The following MACROD2 variants were observed in gnomAD, a reference collection of about 807,000 sequenced individuals.
MACROD2 encodes mono-ADP ribosylhydrolase 2, also known as ADP-ribose glycohydrolase MACROD2.
Under a neutral mutation model 70.4 loss-of-function variants are expected in MACROD2, and 36 were observed. The observed-to-expected ratio is 0.51, with a 90% confidence interval of 0.39 to 0.68. MACROD2 has a LOEUF of 0.68. Among genes scored for constraint, MACROD2 ranks in the 30% least tolerant of loss-of-function variants. MACROD2 has a pLI of 0.00. For synonymous variants in MACROD2, 172 were observed against 178.8 expected, an observed-to-expected ratio of 0.96 and a Z score of 0.30; for missense variants, 496 against 538.4, an observed-to-expected ratio of 0.92 and a Z score of 0.78.
At chr20:14,995,305 A>G (rs1600924069) in intron 5 of MACROD2, among the ~76,000 whole-genome samples, 2 of 152,274 alleles carry the variant, frequency 1.3e-5, no homozygotes, top group East Asian at 3.9e-4. Flanking sequence ...AAGAAGAAAT[A>G]CAGTTTCCTC....
At chr20:15,341,820 G>A (rs2078112961) in intron 6 of MACROD2, among the ~76,000 whole-genome samples, 1 of 152,166 alleles carries the variant, frequency 6.6e-6, no homozygotes, top group Non-Finnish European at 1.5e-5. Flanking sequence ...GGAAGCCAAG[G>A]AGAGAGAATG....
At chr20:16,013,474 G>A (rs2066890787) in intron 15 of MACROD2, among the ~76,000 whole-genome samples, 1 of 152,158 alleles carries the variant, frequency 6.6e-6, no homozygotes, top group Non-Finnish European at 1.5e-5. Flanking sequence ...ATAGATTTGA[G>A]ATTCTATACC....
intron 12 of MACROD2, among the ~76,000 whole-genome samples, chr20:15,961,389 A>C (rs1216162376): frequency 6.6e-6 from 1 of 152,126 alleles, no homozygotes; most frequent in Non-Finnish European, 1.5e-5. Flanking sequence ...TGGAAAAAAA[A>C]CCCAAGTTCT....
chr20:15,450,156 C>G (rs976283393), intron 7 of MACROD2, among the ~76,000 whole-genome samples: 7 of 151,902 alleles, frequency 4.6e-5, no homozygotes, highest in Admixed American at 1.3e-4. Flanking sequence ...ATTATATACA[C>G]TGTATATTAT....
At chr20:15,158,111 T>A (rs2145870899) in intron 5 of MACROD2, among the ~76,000 whole-genome samples, 1 of 152,274 alleles carries the variant, frequency 6.6e-6, no homozygotes, top group Admixed American at 6.5e-5. Flanking sequence ...TTATTTTGAA[T>A]CACGCCAAGC....
rs181635486 is a variant in MACROD2, at chr20:15,620,154, G to A, written c.645+120307G>A. ...TGACTGCATGGAGATGGGGGACAAG[G>A]CAGGGCAGTGCTTTGGATATGGCCC... is the stretch of plus-strand genomic sequence containing the variant. On this transcript the variant is annotated intron_variant, in intron 8 of 17. Transcript: ENST00000684519. 2.3e-3 allele frequency among the ~76,000 whole-genome samples: 347 copies of A among 152,310 alleles called. 2 individuals are homozygous for A. Among genetic ancestry groups the A allele is most frequent in the African/African-American group, 8.0e-3 (334 of 41,566 alleles).
chr20:14,390,297 A>G lies in MACROD2; in HGVS notation c.272-103182A>G, dbSNP rs746856631. The stretch of plus-strand genomic sequence containing the variant: ...CCATGCTCATGGATAGGAAGAATCA[A>G]TATAAAAAAGACCATACTGCCCAAA... On this transcript the variant is annotated intron_variant, in intron 3 of 17. Coordinates refer to ENST00000684519, the MANE Select transcript of MACROD2 (RefSeq NM_001351661.2). Among the ~76,000 whole-genome samples the G allele has an allele frequency of 4.1e-4, 63 of 152,312 alleles. 1 individual carries two copies. The highest frequency in any genetic ancestry group is 3.9e-4 in the East Asian group (2 of 5,182).
chr20:15,503,895 A>G (rs993216914), intron 8 of MACROD2, among the ~76,000 whole-genome samples: 5 of 152,202 alleles, frequency 3.3e-5, no homozygotes, highest in Non-Finnish European at 7.3e-5. Flanking sequence ...TGAGTCTCCC[A>G]TCAGTGCTCA....
intron 3 of MACROD2, among the ~76,000 whole-genome samples, chr20:14,110,228 C>T (rs1019067586): frequency 5.9e-5 from 9 of 151,940 alleles, no homozygotes. Flanking sequence ...AGGAACGTAT[C>T]TCAACATAAT....
At chr20:15,251,797 A>G (rs564924142) in intron 6 of MACROD2, among the ~76,000 whole-genome samples, 1 of 152,320 alleles carries the variant, frequency 6.6e-6, no homozygotes, top group East Asian at 1.9e-4. Context: ...AAATGTTTAA[A>G]TTGAGAAAGT....
intron 8 of MACROD2, among the ~76,000 whole-genome samples, chr20:15,641,993 G>A (rs919680819): frequency 2.0e-5 from 3 of 152,138 alleles, no homozygotes; most frequent in African/African-American, 7.2e-5. Context: ...CCTGAAGGTG[G>A]CTTTGCTGCA....
intron 5 of MACROD2, among the ~76,000 whole-genome samples, chr20:14,689,602 C>T (rs1303496559): frequency 1.3e-5 from 2 of 152,154 alleles, no homozygotes; most frequent in Non-Finnish European, 2.9e-5. Context: ...TGTGTCTATG[C>T]ATGGGGTCTG....
intron 3 of MACROD2, among the ~76,000 whole-genome samples, chr20:14,124,149 G>GA (rs2054617720): frequency 6.6e-6 from 1 of 152,110 alleles, no homozygotes. Context: ...CCAATTCCTA[G>GA]TGCATGCATA....
chr20:15,930,129 A>G (rs754944350), intron 10 of MACROD2, among the ~76,000 whole-genome samples: 1 of 152,164 alleles, frequency 6.6e-6, no homozygotes, highest in East Asian at 1.9e-4. Context: ...ATATTTCTTC[A>G]CCGTTATTGT....
At chr20:15,712,585 A>C (rs1453988100) in intron 8 of MACROD2, among the ~76,000 whole-genome samples, 5 of 152,194 alleles carry the variant, frequency 3.3e-5, no homozygotes, top group Non-Finnish European at 1.5e-5. Flanking sequence ...TGGAAACCCA[A>C]ACTCTCTATA....
At chr20:14,156,544 C>T (rs1003215187) in intron 3 of MACROD2, among the ~76,000 whole-genome samples, 5 of 152,224 alleles carry the variant, frequency 3.3e-5, no homozygotes, top group South Asian at 2.1e-4. Flanking sequence ...ACATTTTCAT[C>T]GTCAGTGGCA....
rs1176121926 is a variant in MACROD2 at position 14,228,307 on chromosome 20, A to G, written c.271+142579A>G. Reference sequence around the variant, plus strand: ...ATATCCAATAATTTTACTTAAAATAATGTTTTAAGGAAATGGTCATAAATA... The same window carrying G: ...ATATCCAATAATTTTACTTAAAATAGTGTTTTAAGGAAATGGTCATAAATA... On this transcript the variant is annotated intron_variant, in intron 3 of 17. Transcript: ENST00000684519. 1.3e-4 allele frequency among the ~76,000 whole-genome samples: 19 copies of G among 150,636 alleles called. No homozygotes were observed. In the South Asian group the frequency reaches 2.8e-3, roughly 22 times the overall value.
chr20:14,484,485 T>G (rs2084698976), intron 3 of MACROD2, among the ~76,000 whole-genome samples: 1 of 152,206 alleles, frequency 6.6e-6, no homozygotes, highest in South Asian at 2.1e-4. Flanking sequence ...ACAACTAAAT[T>G]ATTATTTACT....
chr20:15,373,457 G>A (rs2045520582), intron 6 of MACROD2, among the ~76,000 whole-genome samples: 1 of 152,044 alleles, frequency 6.6e-6, no homozygotes, highest in African/African-American at 2.4e-5. Context: ...CAGGCTGAAA[G>A]GCAGTGGCAC....
Sources: allele counts gnomAD v4.1 joint callset (sites outside exome capture counted in the v4.1 genomes callset), GRCh38; gene constraint gnomAD v4.1.1; transcripts MANE v1.5; gene names NCBI Gene and HGNC (gene_info 2026-07-23, HGNC 2026-07-21).